FRMD4A: variants seen among roughly 807,000 people sequenced by gnomAD.
FRMD4A encodes the protein FERM domain containing 4A, also known as FERM domain-containing protein 4A.
In FRMD4A, 29 loss-of-function variants were observed where a neutral mutation model predicts 129.1. That is an observed-to-expected ratio of 0.22 (90% CI 0.17 to 0.31). The LOEUF (loss-of-function observed/expected upper bound fraction) is 0.31, where lower values mean the gene tolerates loss of function less well. Ranked by LOEUF, FRMD4A falls within the 10% of genes least tolerant of loss-of-function variation. The pLI, the probability that FRMD4A is intolerant of heterozygous loss-of-function variation, is 1.00. For missense variants in FRMD4A, 1,272 were observed against 1,375.8 expected (o/e 0.92, Z 1.19); for synonymous variants, 634 against 571.6 (o/e 1.11, Z -1.56).
At chr10:13,957,446 G>C (rs1793992779) in intron 2 of FRMD4A, among the ~76,000 whole-genome samples, 1 of 152,052 alleles carries the variant, frequency 6.6e-6, no homozygotes, top group African/African-American at 2.4e-5. Flanking sequence ...GTAGAGACAG[G>C]GTTTCACCAT....
At chr10:14,119,392 G>A (rs1430594092) in intron 2 of FRMD4A, among the ~76,000 whole-genome samples, 1 of 152,202 alleles carries the variant, frequency 6.6e-6, no homozygotes, top group Non-Finnish European at 1.5e-5. Context: ...CCAGGTACCT[G>A]AACGAGGAGA....
intron 2 of FRMD4A, among the ~76,000 whole-genome samples, chr10:14,129,338 T>C (rs1001262499): frequency 1.5e-4 from 21 of 137,706 alleles, no homozygotes; most frequent in Non-Finnish European, 7.7e-5. Context: ...GGGGTTGCAA[T>C]CACTAATAAT....
chr10:14,202,978 GCCTAGGGTGGTCTCC>G (rs1301011023), intron 2 of FRMD4A, among the ~76,000 whole-genome samples: 1 of 151,938 alleles, frequency 6.6e-6, no homozygotes, highest in Non-Finnish European at 1.5e-5. Context: ...TTTCCATGTT[GCCTAGGGTGGTCTCC>G]AACTCCTGGG....
intron 2 of FRMD4A, among the ~76,000 whole-genome samples, chr10:14,230,368 A>C (rs151087043): frequency 1.3e-5 from 2 of 152,312 alleles, no homozygotes; most frequent in Non-Finnish European, 2.9e-5. Flanking sequence ...GTCCTGTGCA[A>C]ATTTCTTTAG....
intron 2 of FRMD4A, among the ~76,000 whole-genome samples, chr10:13,903,899 T>C (rs1462210694): frequency 2.0e-5 from 3 of 151,980 alleles, no homozygotes; most frequent in African/African-American, 7.2e-5. Flanking sequence ...AAAAATTGTC[T>C]GATGAGTGAA....
chr10:13,743,427 T>A (rs549040041), intron 9 of FRMD4A, among the ~76,000 whole-genome samples: 1 of 152,142 alleles, frequency 6.6e-6, no homozygotes, highest in South Asian at 2.1e-4. Flanking sequence ...GTCAAGCAAC[T>A]CAGTGTAGAT....
intron 2 of FRMD4A, among the ~76,000 whole-genome samples, chr10:14,030,465 A>G (rs1314613354): frequency 6.6e-6 from 1 of 152,246 alleles, no homozygotes; most frequent in African/African-American, 2.4e-5. Flanking sequence ...TATGTGTAAG[A>G]GCAACTGATA....
intron 16 of FRMD4A, among the ~76,000 whole-genome samples, chr10:13,673,801 G>A (rs1444711973): frequency 9.2e-5 from 13 of 141,618 alleles, no homozygotes; most frequent in African/African-American, 2.7e-4. Flanking sequence ...TTTGAGACAG[G>A]GTCTTGCTCT....
intron 15 of FRMD4A, among the ~76,000 whole-genome samples, chr10:13,689,549 C>CTTTTTTTTTTT (rs34800095): frequency 7.8e-6 from 1 of 128,634 alleles, no homozygotes; most frequent in African/African-American, 3.1e-5. Context: ...TTAGAAGATT[C>CTTTTTTTTTTT]TTTTTTTTTT....
At chr10:14,312,298 C>T (rs1001259741) in intron 2 of FRMD4A, among the ~76,000 whole-genome samples, 1 of 152,212 alleles carries the variant, frequency 6.6e-6, no homozygotes, top group African/African-American at 2.4e-5. Context: ...AGATTCTTAA[C>T]ACCCTTCAGA....
intron 2 of FRMD4A, among the ~76,000 whole-genome samples, chr10:14,212,016 G>A (rs979657018): frequency 1.3e-5 from 2 of 152,100 alleles, no homozygotes; most frequent in Non-Finnish European, 2.9e-5. Flanking sequence ...ATGATGCCTG[G>A]GGTACAGACA....
chr10:14,056,756 A>C (rs1198058326), intron 2 of FRMD4A, among the ~76,000 whole-genome samples: 4 of 152,208 alleles, frequency 2.6e-5, no homozygotes, highest in African/African-American at 9.7e-5. Context: ...TTTCATGTGC[A>C]AATAGTCAGG....
At chr10:14,191,724 T>C (rs1842322087) in intron 2 of FRMD4A, among the ~76,000 whole-genome samples, 2 of 152,190 alleles carry the variant, frequency 1.3e-5, no homozygotes, top group Admixed American at 6.5e-5. Context: ...AACACATTGA[T>C]GAATATTTCC....
At chr10:14,102,232 A>T (rs1837343432) in intron 2 of FRMD4A, among the ~76,000 whole-genome samples, 1 of 152,170 alleles carries the variant, frequency 6.6e-6, no homozygotes, top group African/African-American at 2.4e-5. Context: ...AATCACATTC[A>T]ACAGATGCAC....
chr10:13,726,705 T>C (rs183043428), intron 12 of FRMD4A, among the ~76,000 whole-genome samples: 138 of 151,694 alleles, frequency 9.1e-4, no homozygotes, highest in African/African-American at 3.1e-3. Flanking sequence ...GGTGTGATCT[T>C]GGCTCACTGC....
At chr10:14,128,790 C>T (rs1306261967) in intron 2 of FRMD4A, among the ~76,000 whole-genome samples, 1 of 152,164 alleles carries the variant, frequency 6.6e-6, no homozygotes, top group Non-Finnish European at 1.5e-5. Flanking sequence ...CACTGTCAGA[C>T]CCGACACCAC....
intron 4 of FRMD4A, among the ~76,000 whole-genome samples, chr10:13,808,849 A>T (rs1353584965): frequency 6.6e-6 from 1 of 152,076 alleles, no homozygotes; most frequent in African/African-American, 2.4e-5. Flanking sequence ...AAATGGCTGC[A>T]CTTTCTCTGG....
At chr10:14,239,648 C>A (rs113715288) in intron 2 of FRMD4A, among the ~76,000 whole-genome samples, 1,482 of 144,070 alleles carry the variant, frequency 0.01, 32 homozygotes, top group African/African-American at 0.035. Context: ...AACAAACAAA[C>A]AAACAAAAAA....
At chr10:14,083,967 A>C (rs1330128294) in intron 2 of FRMD4A, among the ~76,000 whole-genome samples, 9 of 152,190 alleles carry the variant, frequency 5.9e-5, no homozygotes, top group Non-Finnish European at 1.0e-4. Flanking sequence ...AGACTCATTT[A>C]TGGGAGGTTA....
Sources: allele counts gnomAD v4.1 joint callset (sites outside exome capture counted in the v4.1 genomes callset), GRCh38; gene constraint gnomAD v4.1.1; transcripts MANE v1.5; gene names NCBI Gene and HGNC (gene_info 2026-07-23, HGNC 2026-07-21).